FFAR2: variants seen among roughly 807,000 people sequenced by gnomAD.
FFAR2 encodes free fatty acid receptor 2, also known as G-protein coupled receptor 43.
For synonymous variants in FFAR2, 193 were observed against 189.9 expected (o/e 1.02, Z -0.13); for missense variants, 421 against 428.9 (o/e 0.98, Z 0.16).
chr19:35,450,631 C>G lies in FFAR2; in HGVS notation c.917C>G (p.Thr306Arg), dbSNP rs141194060. The change falls in exon 2 of 2, where the codon ACA (threonine) becomes AGA (arginine). Residue 306 changes from threonine (T) to arginine (R), a missense_variant. Transcript: ENST00000599180. ...SSLLGRRGKDTAEGTNEDRGV... is the reference protein window; with the variant it reads ...SSLLGRRGKDRAEGTNEDRGV... ...CTGTTGGGACGCAGAGGCAAAGACA[C>G]AGCAGAGGGGACAAATGAGGACAGG... is the stretch of plus-strand genomic sequence containing the variant. The G allele has an allele frequency of 1.3e-4, 209 of 1,614,180 alleles. 2 individuals carry two copies. The highest frequency in any genetic ancestry group is 1.0e-4 in the Admixed American group (6 of 60,024).
chr19:35,449,467 G>A (rs183919358), intron 1 of FFAR2, among the ~76,000 whole-genome samples: 2 of 152,232 alleles, frequency 1.3e-5, no homozygotes, highest in African/African-American at 4.8e-5. Context: ...GAAGCCACGA[G>A]TTGGTCTCCT....
chr19:35,448,681 T>C (rs1256338380), intron 1 of FFAR2, among the ~76,000 whole-genome samples: 2 of 152,182 alleles, frequency 1.3e-5, no homozygotes, highest in Non-Finnish European at 2.9e-5. Context: ...AGTGAAGGCC[T>C]GTGGGCTTTT....
At position 35,450,551 on chromosome 19, in the gene FFAR2, G is replaced by T. The variant is rs1348499362; in HGVS notation, c.837G>T (p.Val279=). The T allele has an allele frequency of 6.2e-7, 1 of 1,614,140 alleles. No individual in the cohort carries two copies. Among genetic ancestry groups the T allele is most frequent in the Non-Finnish European group, 8.5e-7 (1 of 1,180,058 alleles). The stretch of plus-strand genomic sequence containing the variant: ...TGCTCTTCTATTTCTCTTCTTCAGT[G>T]GTGCGCAGGGCATTTGGGAGAGGGC... ...DPLLFYFSSS[V]VRRAFGRGLQ... is the part of the protein sequence containing the mutation. Residue 279 remains valine, a synonymous_variant, in exon 2 of 2, where the codon GTG becomes GTT. Coordinates refer to ENST00000599180, the MANE Select transcript of FFAR2 (RefSeq NM_001370087.1).
chr19:35,449,576 C>A, intron 1 of FFAR2, 138 bp from the exon 2 acceptor site: 1 of 848,284 alleles, frequency 1.2e-6, no homozygotes, highest in Non-Finnish European at 1.8e-6. Flanking sequence ...GTGGTGTGAG[C>A]AAGCCGTGGT....
chr19:35,449,945 G>C lies in FFAR2; in HGVS notation c.231G>C (p.Leu77=), dbSNP rs1191260613. 1 of 1,613,598 alleles carries C rather than the reference G, an allele frequency of 6.2e-7. No individual in the cohort carries two copies. The highest frequency in any genetic ancestry group is 1.3e-5 in the African/African-American group (1 of 74,928). ...IEAASNFRWY[L]PKVVCALTSF... ...CTGCGTCGAACTTCCGCTGGTACCTGCCCAAGGTCGTCTGCGCCCTCACGA... is the reference window on the plus strand; with the variant it reads ...CTGCGTCGAACTTCCGCTGGTACCTCCCCAAGGTCGTCTGCGCCCTCACGA... Residue 77 remains leucine (L), a synonymous_variant, in exon 2 of 2, where the codon CTG becomes CTC. Coordinates refer to ENST00000599180, the MANE Select transcript of FFAR2 (RefSeq NM_001370087.1).
At chr19:35,449,165 G>A (rs34607697) in intron 1 of FFAR2, among the ~76,000 whole-genome samples, 3 of 152,080 alleles carry the variant, frequency 2.0e-5, no homozygotes, top group African/African-American at 7.2e-5. Flanking sequence ...GACAAGGTGG[G>A]GGAGAATCTG....
intron 1 of FFAR2, among the ~76,000 whole-genome samples, chr19:35,448,947 T>C (rs2067362607): frequency 6.6e-6 from 1 of 151,284 alleles, no homozygotes; most frequent in Non-Finnish European, 1.5e-5. Context: ...GGATTACAGG[T>C]GCCCGCCATA....
intron 1 of FFAR2, 192 bp from the exon 2 acceptor site, chr19:35,449,522 C>T (rs750267747): frequency 1.9e-4 from 33 of 177,802 alleles, no homozygotes; most frequent in Non-Finnish European, 3.1e-4. Flanking sequence ...GCTTAATATC[C>T]CGCCCCAGGC....
chr19:35,449,145 G>C (rs2067363698), intron 1 of FFAR2, among the ~76,000 whole-genome samples: 1 of 152,130 alleles, frequency 6.6e-6, no homozygotes, highest in Non-Finnish European at 1.5e-5. Flanking sequence ...TTTGGTGTTG[G>C]ACAGGAGAGG....
Position 35,450,535 on chromosome 19 carries a change from AT to A in FFAR2, c.824del (p.Phe275SerfsTer99). On this transcript the variant is annotated frameshift_variant, in exon 2 of 2. Transcript: ENST00000599180. LOFTEE classifies it low-confidence loss of function (END_TRUNC). ...LNASLDPLLF[Y>X]FSSSVVRRAF... Reference sequence around the variant, plus strand: ...GCCAGTCTGGACCCCCTGCTCTTCTATTTCTCTTCTTCAGTGGTGCGCAGGG... The same window carrying A: ...GCCAGTCTGGACCCCCTGCTCTTCTATTCTCTTCTTCAGTGGTGCGCAGGG... 1 of 1,613,784 alleles carries A rather than the reference AT, an allele frequency of 6.2e-7. No individual in the cohort carries two copies. Among genetic ancestry groups the A allele is most frequent in the Non-Finnish European group, 8.5e-7 (1 of 1,179,820 alleles).
At chr19:35,449,051 G>T (rs1021831141) in intron 1 of FFAR2, among the ~76,000 whole-genome samples, 3 of 151,424 alleles carry the variant, frequency 2.0e-5, no homozygotes, top group Non-Finnish European at 4.4e-5. Flanking sequence ...TGATCTGCCC[G>T]CCTCGGCCTC....
chr19:35,451,688 A>G lies in FFAR2; in HGVS notation c.*981A>G, dbSNP rs1404598221. The G allele has an allele frequency of 6.6e-6, 1 of 152,210 alleles. No individual in the cohort carries two copies. The highest frequency in any genetic ancestry group is 1.5e-5 in the Non-Finnish European group (1 of 68,034). The allele number at this position is 152,210 out of a possible 1,614,324, so 9.4% of individuals were successfully genotyped here. ...GCCAGGATGTGGTTTGGTACCCAGC[A>G]ATCAGAGATTGGCACTCCCTCATAC... On this transcript the variant is annotated 3_prime_UTR_variant, in exon 2 of 2. Transcript: ENST00000599180.
At chr19:35,448,723 A>G (rs1402537328) in intron 1 of FFAR2, among the ~76,000 whole-genome samples, 1 of 152,016 alleles carries the variant, frequency 6.6e-6, no homozygotes, top group Non-Finnish European at 1.5e-5. Flanking sequence ...TCTAGGGACA[A>G]GCCTTCCTCC....
At chr19:35,449,286 T>C (rs573420744) in intron 1 of FFAR2, among the ~76,000 whole-genome samples, 1 of 152,320 alleles carries the variant, frequency 6.6e-6, no homozygotes, top group East Asian at 1.9e-4. Context: ...ACAGCCTCTT[T>C]ATACTGATAA....
chr19:35,450,703 AG>A lies in FFAR2; in HGVS notation c.990del (p.Glu330AspfsTer44). 1 of 1,610,794 alleles carries A rather than the reference AG, an allele frequency of 6.2e-7. No homozygotes were observed. Among genetic ancestry groups the A allele is most frequent in the Non-Finnish European group, 8.5e-7 (1 of 1,177,292 alleles). On this transcript the variant is annotated frameshift_variant, in exon 2 of 2. Coordinates refer to ENST00000599180, the MANE Select transcript of FFAR2 (RefSeq NM_001370087.1). LOFTEE classifies it high-confidence loss of function. ...ATGCCAAGTTCGGACTTCACTACAG[AG>A]TAGCAGTTTCCCTGGACCTTCAGAG... ...EGMPSSDFTT[E>X] is the part of the protein sequence containing the mutation.
rs1328968450 is a variant in FFAR2, at chr19:35,451,736, C to T, written c.*1029C>T. ...TACAGGGGAAAGCAACCTGGTCTAG[C>T]AAATTGAAAATAAAGATGATAAAAC... On this transcript the variant is annotated 3_prime_UTR_variant, in exon 2 of 2. Coordinates refer to ENST00000599180, the MANE Select transcript of FFAR2 (RefSeq NM_001370087.1). 1.3e-5 allele frequency: 2 copies of T among 152,102 alleles called. No homozygotes were observed. Among genetic ancestry groups the T allele is most frequent in the East Asian group, 3.8e-4 (2 of 5,200 alleles). 9.4% of individuals were successfully genotyped at this position (152,102 alleles called of 1,614,324 possible).
Position 35,450,804 on chromosome 19 carries a change from C to G in FFAR2, c.*97C>G, listed in dbSNP as rs2067377518. 2 of 1,327,148 alleles carry G rather than the reference C, an allele frequency of 1.5e-6. No individual in the cohort carries two copies. The highest frequency in any genetic ancestry group is 2.0e-6 in the Non-Finnish European group (2 of 976,744). 82.2% of individuals were successfully genotyped at this position (1,327,148 alleles called of 1,614,324 possible). A position where few individuals can be genotyped will look rare whatever the true frequency, so the allele number is the denominator to read the frequency against. On this transcript the variant is annotated 3_prime_UTR_variant, in exon 2 of 2. Coordinates refer to ENST00000599180, the MANE Select transcript of FFAR2 (RefSeq NM_001370087.1). Reference sequence around the variant, plus strand: ...AAGGCTCCCATCCAGATTCAGAAATCCTTAGACCCAGCCCAGGACTGCGAC... The same window carrying G: ...AAGGCTCCCATCCAGATTCAGAAATGCTTAGACCCAGCCCAGGACTGCGAC...
rs762364705 is a variant in FFAR2, at chr19:35,450,556, G to A, written c.842G>A (p.Arg281His). The A allele has an allele frequency of 2.5e-5, 41 of 1,614,112 alleles. No homozygotes were observed. Among genetic ancestry groups the A allele is most frequent in the Middle Eastern group, 1.6e-4 (1 of 6,084 alleles). Residue 281 changes from arginine (R) to histidine (H), a missense_variant, in exon 2 of 2, where the codon CGC becomes CAC. Transcript: ENST00000599180. ...LLFYFSSSVV[R>H]RAFGRGLQVL... ...TTCTATTTCTCTTCTTCAGTGGTGCGCAGGGCATTTGGGAGAGGGCTGCAG... is the reference window on the plus strand; with the variant it reads ...TTCTATTTCTCTTCTTCAGTGGTGCACAGGGCATTTGGGAGAGGGCTGCAG...
Position 35,450,547 on chromosome 19 carries a change from C to T in FFAR2, c.833C>T (p.Ser278Leu). ...LDPLLFYFSS[S>L]VVRRAFGRGL... is the part of the protein sequence containing the mutation. ...CCCCTGCTCTTCTATTTCTCTTCTTCAGTGGTGCGCAGGGCATTTGGGAGA... is the reference window on the plus strand; with the variant it reads ...CCCCTGCTCTTCTATTTCTCTTCTTTAGTGGTGCGCAGGGCATTTGGGAGA... Residue 278 changes from serine (S) to leucine (L), a missense_variant, in exon 2 of 2, where the codon TCA (serine) becomes TTA (leucine). Transcript: ENST00000599180. The T allele has an allele frequency of 6.2e-7, 1 of 1,614,258 alleles. No homozygotes were observed. Among genetic ancestry groups the T allele is most frequent in the Non-Finnish European group, 8.5e-7 (1 of 1,180,052 alleles).
Sources: allele counts gnomAD v4.1 joint callset (sites outside exome capture counted in the v4.1 genomes callset), GRCh38; gene constraint gnomAD v4.1.1; transcripts MANE v1.5; gene names NCBI Gene and HGNC (gene_info 2026-07-23, HGNC 2026-07-21).